The following PARN variants were observed in gnomAD, a reference collection of about 807,000 sequenced individuals.
PARN encodes the protein poly(A)-specific ribonuclease PARN.
In PARN, 71 loss-of-function variants were observed where a neutral mutation model predicts 102.8. That is an observed-to-expected ratio of 0.69 (90% CI 0.57 to 0.84). The LOEUF (loss-of-function observed/expected upper bound fraction) is 0.84, where lower values mean the gene tolerates loss of function less well. PARN is among the 40% of genes least tolerant of loss of function. The pLI, the probability that PARN is intolerant of heterozygous loss-of-function variation, is 0.00. For missense variants in PARN, 782 were observed against 760.9 expected, an observed-to-expected ratio of 1.03 and a Z score of -0.33; for synonymous variants, 261 against 252.9, an observed-to-expected ratio of 1.03 and a Z score of -0.30.
intron 21 of PARN, among the ~76,000 whole-genome samples, chr16:14,537,746 A>G (rs1010687364): frequency 6.6e-6 from 1 of 152,050 alleles, no homozygotes; most frequent in Non-Finnish European, 1.5e-5. Context: ...TCAAGTAGAG[A>G]GTATAATTGG....
intron 21 of PARN, among the ~76,000 whole-genome samples, chr16:14,549,970 C>T (rs1335875907): frequency 4.6e-5 from 7 of 152,196 alleles, no homozygotes; most frequent in South Asian, 4.1e-4. Context: ...AGTTAGTCCC[C>T]GTGTCAGTCT....
chr16:14,442,914 G>A (rs1467311823), intron 23 of PARN, among the ~76,000 whole-genome samples: 1 of 152,242 alleles, frequency 6.6e-6, no homozygotes, highest in Non-Finnish European at 1.5e-5. Context: ...TTTATCACAT[G>A]AAAGTCTAGA....
In PARN at chr16:14,436,374, A is replaced by G; in HGVS notation, c.*343T>C. The G allele has an allele frequency of 3.3e-6, 1 of 300,118 alleles. No homozygotes were observed. The highest frequency in any genetic ancestry group is 6.2e-6 in the Non-Finnish European group (1 of 161,328). 18.6% of individuals were successfully genotyped at this position (300,118 alleles called of 1,614,324 possible). A position where few individuals can be genotyped will look rare whatever the true frequency, so the allele number is the denominator to read the frequency against. On this transcript the variant is annotated 3_prime_UTR_variant, in exon 24 of 24. Transcript: ENST00000437198. Reference sequence around the variant, plus strand: ...GCTGGAATGTCAGCTCTTTTTGCAGATTTCACAGCCGACACTCCCCATCAG... The same window carrying G: ...GCTGGAATGTCAGCTCTTTTTGCAGGTTTCACAGCCGACACTCCCCATCAG...
intron 21 of PARN, among the ~76,000 whole-genome samples, chr16:14,543,779 A>G (rs1463519498): frequency 6.6e-6 from 1 of 152,252 alleles, no homozygotes; most frequent in Non-Finnish European, 1.5e-5. Flanking sequence ...ATACAAAAGA[A>G]CAAAACACAG....
At chr16:14,439,351 G>A (rs1960845563) in intron 23 of PARN, among the ~76,000 whole-genome samples, 1 of 146,970 alleles carries the variant, frequency 6.8e-6, no homozygotes, top group Non-Finnish European at 1.5e-5. Flanking sequence ...CAGCCTGGGT[G>A]GGTGACAGAG....
intron 22 of PARN, among the ~76,000 whole-genome samples, chr16:14,465,048 T>C (rs746620906): frequency 1.1e-4 from 17 of 152,162 alleles, no homozygotes; most frequent in African/African-American, 2.7e-4. Flanking sequence ...CATGGGTAAA[T>C]AGATAAGATT....
intron 18 of PARN, among the ~76,000 whole-genome samples, chr16:14,565,415 A>G (rs1456406264): frequency 6.6e-6 from 1 of 152,042 alleles, no homozygotes; most frequent in Non-Finnish European, 1.5e-5. Flanking sequence ...AAAGGCAAAA[A>G]AAAAAAAACA....
intron 21 of PARN, among the ~76,000 whole-genome samples, chr16:14,497,851 C>T (rs1056330196): frequency 3.3e-5 from 5 of 152,060 alleles, no homozygotes; most frequent in Admixed American, 2.0e-4. Context: ...TGGCCGGGTG[C>T]GGTGGCTCAC....
intron 1 of PARN, 127 bp downstream of exon 1, chr16:14,629,976 TTAAG>T: frequency 1.2e-6 from 1 of 837,368 alleles, no homozygotes; most frequent in Non-Finnish European, 1.9e-6. Context: ...GCGCACCGGC[TTAAG>T]GAGGGAAAAG....
chr16:14,579,646 C>G (rs1969380293), intron 18 of PARN, among the ~76,000 whole-genome samples: 1 of 152,026 alleles, frequency 6.6e-6, no homozygotes, highest in African/African-American at 2.4e-5. Context: ...AATTTAACAT[C>G]AAGTACATAA....
At chr16:14,453,840 A>G (rs1337788075) in intron 22 of PARN, among the ~76,000 whole-genome samples, 1 of 152,202 alleles carries the variant, frequency 6.6e-6, no homozygotes, top group African/African-American at 2.4e-5. Flanking sequence ...GCTGCTTCCA[A>G]CTATTTGTCA....
intron 18 of PARN, among the ~76,000 whole-genome samples, chr16:14,568,289 C>T (rs1456500795): frequency 2.0e-5 from 3 of 150,954 alleles, no homozygotes; most frequent in African/African-American, 4.9e-5. Context: ...CTCGGCTCAC[C>T]GCAGCCTCTG....
intron 21 of PARN, among the ~76,000 whole-genome samples, chr16:14,528,892 T>G (rs1456551165): frequency 6.6e-6 from 1 of 152,230 alleles, no homozygotes; most frequent in Non-Finnish European, 1.5e-5. Context: ...TTATAAGTAT[T>G]TCTTATAAAC....
intron 22 of PARN, among the ~76,000 whole-genome samples, chr16:14,467,318 C>T (rs931161863): frequency 6.6e-6 from 1 of 152,246 alleles, no homozygotes; most frequent in South Asian, 2.1e-4. Context: ...GTCATTTCAG[C>T]CCCCCTCAGA....
intron 18 of PARN, among the ~76,000 whole-genome samples, chr16:14,570,890 C>T (rs1263684900): frequency 6.7e-6 from 1 of 149,648 alleles, no homozygotes; most frequent in Non-Finnish European, 1.5e-5. Context: ...GAGGCTGAGG[C>T]AGAAGGATCA....
At chr16:14,534,973 T>C (rs530074196) in intron 21 of PARN, among the ~76,000 whole-genome samples, 34 of 152,038 alleles carry the variant, frequency 2.2e-4, no homozygotes, top group Non-Finnish European at 3.5e-4. Context: ...TAGCTGGAAT[T>C]ACAGGCATGT....
At chr16:14,570,810 C>T (rs1262094318) in intron 18 of PARN, among the ~76,000 whole-genome samples, 3 of 140,654 alleles carry the variant, frequency 2.1e-5, no homozygotes, top group Admixed American at 7.2e-5. Flanking sequence ...AGGCCCCCAC[C>T]TCTACAAAAA....
chr16:14,533,873 C>G (rs754377614), intron 21 of PARN, among the ~76,000 whole-genome samples: 6 of 152,184 alleles, frequency 3.9e-5, no homozygotes, highest in Admixed American at 2.6e-4. Context: ...GAATGGAAAG[C>G]CAATTATTTC....
chr16:14,447,699 C>T (rs905245460), intron 22 of PARN, among the ~76,000 whole-genome samples: 7 of 152,062 alleles, frequency 4.6e-5, no homozygotes, highest in Admixed American at 6.6e-5. Flanking sequence ...CTGATTTTTC[C>T]TTACGAAAAT....
Sources: gnomAD v4.1 joint callset for allele counts (sites outside exome capture counted in the v4.1 genomes callset) on GRCh38, gnomAD v4.1.1 for gene constraint, MANE v1.5 for transcripts, NCBI Gene and HGNC (gene_info 2026-07-23, HGNC 2026-07-21) for gene names.